The following PARP8 variants were observed in gnomAD, a reference collection of about 807,000 sequenced individuals.
The protein encoded by PARP8 is poly(ADP-ribose) polymerase family member 8, also known as protein mono-ADP-ribosyltransferase PARP8.
A neutral mutation model predicts 124.1 loss-of-function variants in PARP8; 51 were observed. The ratio of observed to expected loss-of-function variants is 0.41; its 90% CI spans 0.33 to 0.52. PARP8 has a LOEUF of 0.52. Among genes scored for constraint, PARP8 ranks in the 20% least tolerant of loss-of-function variants. The pLI is 0.21. For synonymous variants in PARP8, 391 were observed against 361.5 expected, an observed-to-expected ratio of 1.08 and a Z score of -0.93; for missense variants, 860 against 1,018.9, an observed-to-expected ratio of 0.84 and a Z score of 2.12.
chr5:50,846,081 T>A lies in PARP8; in HGVS notation c.*4013T>A, dbSNP rs1443113015. On this transcript the variant is annotated 3_prime_UTR_variant, in exon 26 of 26. Coordinates refer to ENST00000281631, the MANE Select transcript of PARP8 (RefSeq NM_024615.4). ...ATTACATTTCACATTTACCAGCAAGTCAGTAAAAAATAGTGCTTATTTACA... is the reference window on the plus strand; with the variant it reads ...ATTACATTTCACATTTACCAGCAAGACAGTAAAAAATAGTGCTTATTTACA... 2.0e-5 allele frequency: 3 copies of A among 151,752 alleles called. No homozygotes were observed. The East Asian group carries it at 5.8e-4, about 29-fold the overall frequency. The allele number at this position is 151,752 out of a possible 1,614,324, so 9.4% of individuals were successfully genotyped here.
intron 10 of PARP8, among the ~76,000 whole-genome samples, chr5:50,792,631 G>A (rs1444843837): frequency 1.3e-5 from 2 of 151,786 alleles, no homozygotes. Context: ...TTAGGTACAG[G>A]GAGAAATGAT....
In PARP8 at chr5:50,803,776, A is replaced by T. The variant is rs528211623; in HGVS notation, c.1575+6543A>T. Among the ~76,000 whole-genome samples, 66 of 152,228 alleles carry T rather than the reference A, an allele frequency of 4.3e-4. 1 individual carries two copies. In the South Asian group the frequency reaches 0.013, roughly 31 times the overall value. ...CCAGTTTAAAGTTTGTGTCTAGTAAATTTAACATCTATGCTTTCCTTGGGC... is the reference window on the plus strand; with the variant it reads ...CCAGTTTAAAGTTTGTGTCTAGTAATTTTAACATCTATGCTTTCCTTGGGC... On this transcript the variant is annotated intron_variant, in intron 14 of 25. Coordinates refer to ENST00000281631, the MANE Select transcript of PARP8 (RefSeq NM_024615.4).
Position 50,671,376 on chromosome 5 carries a change from G to A in PARP8, c.146+3251G>A, listed in dbSNP as rs545607721. Among the ~76,000 whole-genome samples, 4 of 152,300 alleles carry A rather than the reference G, an allele frequency of 2.6e-5. No homozygotes were observed. The South Asian group carries it at 6.2e-4, about 24-fold the overall frequency. The stretch of plus-strand genomic sequence containing the variant: ...AGTGGTTACCAAAGCCAAGGAGAGA[G>A]CAAGTGGAGCCCAGTGGGCCTGGCC... On this transcript the variant is annotated intron_variant, in intron 2 of 25. Coordinates refer to ENST00000281631, the MANE Select transcript of PARP8 (RefSeq NM_024615.4).
At chr5:50,759,777 G>A (rs1760357799) in intron 4 of PARP8, 45 bp downstream of exon 4, 1 of 1,513,116 alleles carries the variant, frequency 6.6e-7, no homozygotes, top group Non-Finnish European at 8.8e-7. Flanking sequence ...TTTTTAAATT[G>A]CATTATCTTT....
chr5:50,754,150 T>TATATATATATACACAC (rs1312947286), intron 3 of PARP8, among the ~76,000 whole-genome samples: 1 of 37,188 alleles, frequency 2.7e-5, no homozygotes, highest in African/African-American at 1.2e-4. Context: ...TATATATATA[T>TATATATATATACACAC]ACACACACAC....
chr5:50,671,771 T>G (rs1750050373), intron 2 of PARP8, among the ~76,000 whole-genome samples: 1 of 152,150 alleles, frequency 6.6e-6, no homozygotes, highest in African/African-American at 2.4e-5. Flanking sequence ...AGTTGAGAGT[T>G]TCCCAATTAA....
At chr5:50,705,800 G>A (rs1170285412) in intron 2 of PARP8, among the ~76,000 whole-genome samples, 2 of 151,966 alleles carry the variant, frequency 1.3e-5, no homozygotes, top group African/African-American at 4.8e-5. Context: ...AAGGGGGGTT[G>A]ATGGGTCTGG....
At chr5:50,747,818 G>A (rs62368285) in intron 2 of PARP8, among the ~76,000 whole-genome samples, 28,619 of 135,826 alleles carry the variant, frequency 0.21, 3,074 homozygotes, top group South Asian at 0.34. Flanking sequence ...TGTCGCCCAG[G>A]CTAGAGTGCA....
chr5:50,818,901 G>T (rs1462457409), intron 15 of PARP8, among the ~76,000 whole-genome samples: 2 of 152,172 alleles, frequency 1.3e-5, no homozygotes, highest in Non-Finnish European at 2.9e-5. Flanking sequence ...CTTTCTGTGT[G>T]GTGACCGGGG....
chr5:50,760,951 C>T (rs1252965545), intron 5 of PARP8, among the ~76,000 whole-genome samples: 2 of 152,190 alleles, frequency 1.3e-5, no homozygotes, highest in Non-Finnish European at 2.9e-5. Context: ...TAGTGTTGCA[C>T]CATTCATTGT....
intron 2 of PARP8, among the ~76,000 whole-genome samples, chr5:50,733,703 C>G (rs1757208374): frequency 6.6e-6 from 1 of 152,246 alleles, no homozygotes; most frequent in African/African-American, 2.4e-5. Context: ...GGCAATTTTT[C>G]TATATCTGTG....
chr5:50,775,585 T>G (rs564729244), intron 7 of PARP8, among the ~76,000 whole-genome samples: 2 of 152,202 alleles, frequency 1.3e-5, no homozygotes, highest in African/African-American at 4.8e-5. Context: ...GGGACAATTT[T>G]TTATTTTTTA....
chr5:50,690,600 A>G (rs367641913), intron 2 of PARP8, among the ~76,000 whole-genome samples: 11 of 152,088 alleles, frequency 7.2e-5, no homozygotes, highest in African/African-American at 2.2e-4. Context: ...TCATTTGCCA[A>G]TGGCAGCTCA....
intron 9 of PARP8, among the ~76,000 whole-genome samples, chr5:50,784,572 A>G (rs1741030612): frequency 6.6e-6 from 1 of 152,156 alleles, no homozygotes; most frequent in Non-Finnish European, 1.5e-5. Flanking sequence ...TAATTTCCAC[A>G]TATCTTGGGC....
intron 2 of PARP8, among the ~76,000 whole-genome samples, chr5:50,734,957 A>C (rs11950328): frequency 0.32 from 48,040 of 151,898 alleles, 8,261 homozygotes; most frequent in African/African-American, 0.45. Flanking sequence ...AATCATAACA[A>C]TTAATATTAA....
intron 7 of PARP8, among the ~76,000 whole-genome samples, chr5:50,769,379 C>A (rs1761375097): frequency 1.3e-5 from 2 of 149,742 alleles, no homozygotes; most frequent in Admixed American, 6.6e-5. Flanking sequence ...ATAAAATTGG[C>A]AAAGATGGGA....
Position 50,759,726 on chromosome 5 carries a change from G to A in PARP8, c.268G>A (p.Ala90Thr). ...EPIPVIFHRI[A>T]TELRKTNDIN... ...AATACCAGTAATTTTTCATAGAATA[G>A]CAACAGGTAATAGTAGTATTATTTT... Residue 90 changes from alanine (A) to threonine (T), a missense_variant, in exon 4 of 26, where the codon GCA becomes ACA. By Grantham distance (58) the Ala-to-Thr change is moderately conservative. Transcript: ENST00000281631. The A allele has an allele frequency of 6.4e-7, 1 of 1,567,918 alleles. No individual in the cohort carries two copies. Among genetic ancestry groups the A allele is most frequent in the African/African-American group, 1.4e-5 (1 of 71,334 alleles).
At chr5:50,686,131 G>GA (rs1164968078) in intron 2 of PARP8, among the ~76,000 whole-genome samples, 1 of 152,144 alleles carries the variant, frequency 6.6e-6, no homozygotes, top group Non-Finnish European at 1.5e-5. Context: ...TTCCACCTGT[G>GA]AGCCTGTAAA....
At chr5:50,691,219 C>T (rs770172079) in intron 2 of PARP8, among the ~76,000 whole-genome samples, 1 of 152,110 alleles carries the variant, frequency 6.6e-6, no homozygotes, top group Non-Finnish European at 1.5e-5. Context: ...CCCCATTTGC[C>T]CTTTGCTTCT....
Sources: gnomAD v4.1 joint callset for allele counts (sites outside exome capture counted in the v4.1 genomes callset) on GRCh38, gnomAD v4.1.1 for gene constraint, MANE v1.5 for transcripts, NCBI Gene and HGNC (gene_info 2026-07-23, HGNC 2026-07-21) for gene names.